Variants in CELF2 observed in about 807,000 individuals in gnomAD.
CELF2 encodes the protein CUG triplet repeat RNA-binding protein 2.
CELF2 carries 8 observed loss-of-function variants against 62.6 expected under a neutral mutation model. The observed-to-expected ratio is 0.13, with a 90% CI of 0.07 to 0.23. CELF2 has a LOEUF of 0.23. CELF2 is among the 10% of genes least tolerant of loss of function. The pLI, the probability that CELF2 is intolerant of heterozygous loss-of-function variation, is 1.00. For synonymous variants in CELF2, 258 were observed against 250.0 expected (o/e 1.03, Z -0.30); for missense variants, 333 against 671.0 (o/e 0.50, Z 5.56).
rs1422531137 is a variant in CELF2, at chr10:11,010,264, TCCAAG to T, written c.53+4827_53+4831del. 1 of 152,240 alleles carries T rather than the reference TCCAAG, an allele frequency of 6.6e-6. No individual in the cohort carries two copies. The highest frequency in any genetic ancestry group is 1.5e-5 in the Non-Finnish European group (1 of 68,058). The allele number at this position is 152,240 out of a possible 1,614,324, so 9.4% of individuals were successfully genotyped here. ...TGATAAAAACGAATGGAGACCCCAT[TCCAAG>T]CCTCAGGATGTTCGGTGCCTGCTCT... On this transcript the variant is annotated intron_variant, in intron 1 of 12. Coordinates refer to the CELF2 transcript ENST00000416382. The surrounding 1 kb of genome is among the most constrained non-coding windows in gnomAD (Gnocchi z 4.1).
chr10:11,257,648 C>G lies in CELF2; in HGVS notation c.404-90C>G, dbSNP rs1589993993. 2.2e-5 allele frequency: 33 copies of G among 1,472,582 alleles called. No homozygotes were observed. The East Asian group carries it at 7.5e-4, about 33-fold the overall frequency. The allele number at this position is 1,472,582 out of a possible 1,614,324, so 91.2% of individuals were successfully genotyped here. A position where few individuals can be genotyped will look rare whatever the true frequency, so the allele number is the denominator to read the frequency against. ...GGGACACGTGCTTGGTCTCACATGG[C>G]TGGGGCCTGGTTTGATGGGGTAATG... On this transcript the variant is annotated intron_variant, in intron 4 of 12. Coordinates refer to ENST00000633077, the MANE Select transcript of CELF2 (RefSeq NM_001326342.2).
the CELF2 span, among the ~76,000 whole-genome samples, chr10:10,671,039 T>C: frequency 6.6e-6 from 1 of 151,802 alleles, no homozygotes; most frequent in South Asian, 2.1e-4. Context: ...CGGTGGCATG[T>C]ACCTGCAGGC....
the CELF2 span, among the ~76,000 whole-genome samples, chr10:10,723,915 T>C: frequency 6.6e-6 from 1 of 152,190 alleles, no homozygotes; most frequent in Non-Finnish European, 1.5e-5. Context: ...AAGGTTTTTT[T>C]TAAAAAAATG....
chr10:10,794,304 G>C (rs2054015734), upstream of CELF2, among the ~76,000 whole-genome samples: 1 of 152,034 alleles, frequency 6.6e-6, no homozygotes, highest in Admixed American at 6.5e-5. Context: ...TAAGAGGAGA[G>C]AGAGAGCTTA....
intron 1 of CELF2, among the ~76,000 whole-genome samples, chr10:10,903,652 T>C (rs75426348): frequency 0.015 from 2,296 of 151,914 alleles, 53 homozygotes; most frequent in African/African-American, 0.053. Flanking sequence ...GTGAAATGAG[T>C]TTTATAAACT....
At chr10:10,660,713 A>G in the CELF2 span, among the ~76,000 whole-genome samples, 2 of 152,376 alleles carry the variant, frequency 1.3e-5, no homozygotes, top group East Asian at 3.9e-4. Flanking sequence ...GTAATAGAAG[A>G]AAAATGAATG....
upstream of CELF2, among the ~76,000 whole-genome samples, chr10:11,003,347 A>C (rs1238859498): frequency 6.6e-6 from 1 of 152,246 alleles, no homozygotes; most frequent in Non-Finnish European, 1.5e-5. This position sits in a 1 kb window ranked among gnomAD's most constrained non-coding sequence, Gnocchi z 4.4. Context: ...TTGGATAAGC[A>C]ACTGCATTAT....
At chr10:10,469,593 A>G in the CELF2 span, among the ~76,000 whole-genome samples, 1 of 151,934 alleles carries the variant, frequency 6.6e-6, no homozygotes, top group Non-Finnish European at 1.5e-5. Context: ...CATGAAAGAT[A>G]CCAGTTGTCA....
chr10:11,275,105 A>C lies in CELF2; in HGVS notation c.826A>C (p.Ile276Leu). The change falls in exon 8 of 13, where the codon ATT (isoleucine) becomes CTT (leucine). Residue 276 changes from isoleucine to leucine, a missense_variant. Physicochemically the swap from Ile to Leu is conservative, Grantham distance 5. This residue lies in a region of CELF2 where 253 missense variants were observed against 503.0 expected (regional missense o/e 0.50). Coordinates refer to ENST00000633077, the MANE Select transcript of CELF2 (RefSeq NM_001326342.2). The stretch of plus-strand genomic sequence containing the variant: ...CAGCAACCTGGGTGCGTTCAGCGGC[A>C]TTCAACAAATGGCAGGTAAGTCAGG... ...SSSNLGAFSG[I>L]QQMAGMNALQ... 6.2e-7 allele frequency: 1 copy of C among 1,614,200 alleles called. No homozygotes were observed. The highest frequency in any genetic ancestry group is 8.5e-7 in the Non-Finnish European group (1 of 1,180,034).
At chr10:10,684,517 T>C in the CELF2 span, among the ~76,000 whole-genome samples, 3 of 151,598 alleles carry the variant, frequency 2.0e-5, no homozygotes, top group African/African-American at 7.3e-5. Context: ...ACAAGGCGGG[T>C]GGATAGCTTA....
the CELF2 span, among the ~76,000 whole-genome samples, chr10:10,611,622 CA>C: frequency 6.6e-6 from 1 of 152,168 alleles, no homozygotes; most frequent in Non-Finnish European, 1.5e-5. Flanking sequence ...CCCAAAAAGT[CA>C]ATGTCATCTC....
At position 10,882,360 on chromosome 10, in the gene CELF2, A is replaced by C. The variant is rs144857071; in HGVS notation, c.54-37604A>C. 5.0e-3 allele frequency among the ~76,000 whole-genome samples: 762 copies of C among 152,306 alleles called. 9 individuals carry two copies. The highest frequency in any genetic ancestry group is 8.5e-3 in the Non-Finnish European group (578 of 68,034). On this transcript the variant is annotated intron_variant, in intron 1 of 13. Transcript: ENST00000636488. ...AATTGCCATCCAAGAGCAGAACTGA[A>C]ATGTGGTTTCCCTCGTAGTTTGTTT...
rs2095932334 is a variant in CELF2 at position 11,329,496 on chromosome 10, TGCCCGGCGCCCGCCCCCGGAGGGAGG to T, written c.*450_*475del. The T allele has an allele frequency of 3.9e-5, 6 of 152,860 alleles. 1 individual carries two copies. The highest frequency in any genetic ancestry group is 3.9e-4 in the Admixed American group (6 of 15,308). 9.5% of individuals were successfully genotyped at this position (152,860 alleles called of 1,614,324 possible). ...ACTGCCTGGAGAATTCACCCCTCCT[TGCCCGGCGCCCGCCCCCGGAGGGAGG>T]GCCCGGTGCTTAGAGGTTAACTTGG... On this transcript the variant is annotated 3_prime_UTR_variant, in exon 13 of 13. Transcript: ENST00000633077. This position sits in a 1 kb window ranked among gnomAD's most constrained non-coding sequence, Gnocchi z 5.5.
At chr10:11,257,431 T>C (rs2079145415) in intron 4 of CELF2, 1 of 211,598 alleles carries the variant, frequency 4.7e-6, no homozygotes, top group African/African-American at 2.2e-5. Context: ...CTTTGGAATT[T>C]TAGTCAGCGC....
the CELF2 span, among the ~76,000 whole-genome samples, chr10:10,541,048 C>A: frequency 6.6e-6 from 1 of 151,812 alleles, no homozygotes; most frequent in Non-Finnish European, 1.5e-5. Flanking sequence ...TCGAGACCAT[C>A]CTGGCTAACA....
the CELF2 span, among the ~76,000 whole-genome samples, chr10:10,595,236 C>A: frequency 3.9e-5 from 6 of 152,208 alleles, no homozygotes; most frequent in African/African-American, 1.2e-4. Context: ...TAAAGGTGAT[C>A]CATGGAAAAT....
intron 1 of CELF2, among the ~76,000 whole-genome samples, chr10:11,113,845 A>G (rs1321634547): frequency 2.0e-5 from 3 of 152,146 alleles, no homozygotes; most frequent in African/African-American, 7.2e-5. Context: ...GACAGGTGTC[A>G]TTTTCGAGGA....
chr10:11,164,177 G>A (rs556950724), intron 1 of CELF2, among the ~76,000 whole-genome samples: 5 of 152,198 alleles, frequency 3.3e-5, no homozygotes, highest in Non-Finnish European at 7.3e-5. Flanking sequence ...TGGAGCAAGC[G>A]CGCAGTGCTG....
chr10:10,773,011 T>C, the CELF2 span, among the ~76,000 whole-genome samples: 5 of 152,318 alleles, frequency 3.3e-5, no homozygotes, highest in Middle Eastern at 6.8e-3. Context: ...AAGATGTATA[T>C]TGTCACATTT....
Sources: gnomAD v4.1 joint callset for allele counts (sites outside exome capture counted in the v4.1 genomes callset) on GRCh38, gnomAD v4.1.1 for gene constraint, gnomAD v4.1.1 regional missense constraint, Gnocchi (gnomAD v3.1) non-coding constraint, MANE v1.5 for transcripts, NCBI Gene and HGNC (gene_info 2026-07-23, HGNC 2026-07-21) for gene names.